The following FMNL2 variants were observed in gnomAD, a reference collection of about 807,000 sequenced individuals.
The protein encoded by FMNL2 is formin like 2, also known as formin-like protein 2.
In FMNL2, 51 loss-of-function variants were observed where a neutral mutation model predicts 130.2. That is an observed-to-expected ratio of 0.39 (90% CI 0.31 to 0.49). The LOEUF is 0.49. FMNL2 is among the 20% of genes least tolerant of loss of function. The pLI, the probability that FMNL2 is intolerant of heterozygous loss-of-function variation, is 0.85. For synonymous variants in FMNL2, 465 were observed against 467.1 expected (o/e 1.00, Z 0.06); for missense variants, 977 against 1,316.2 (o/e 0.74, Z 3.99).
At chr2:152,603,399 G>GTTTT (rs138427461) in intron 9 of FMNL2, among the ~76,000 whole-genome samples, 6 of 135,170 alleles carry the variant, frequency 4.4e-5, no homozygotes, top group African/African-American at 8.0e-5. Flanking sequence ...ATTTAAGTCT[G>GTTTT]TTTTTTTTTT....
intron 7 of FMNL2, among the ~76,000 whole-genome samples, chr2:152,577,264 C>G (rs1428659042): frequency 6.6e-6 from 1 of 152,048 alleles, no homozygotes; most frequent in Non-Finnish European, 1.5e-5. Flanking sequence ...GGGCTTTTGT[C>G]TTGGGCACCT....
intron 15 of FMNL2, 64 bp downstream of exon 15, chr2:152,619,782 G>A: frequency 6.4e-7 from 1 of 1,553,322 alleles, no homozygotes; most frequent in African/African-American, 1.4e-5. Context: ...TCGGAGAGTT[G>A]AAGCTATTCT....
chr2:152,459,775 G>T (rs76016850), intron 1 of FMNL2, among the ~76,000 whole-genome samples: 4 of 152,130 alleles, frequency 2.6e-5, no homozygotes, highest in African/African-American at 7.2e-5. Context: ...TACTTTAAAT[G>T]GGTGCTTTGT....
chr2:152,401,413 ACACTGCC>A (rs1685685836), intron 1 of FMNL2, among the ~76,000 whole-genome samples: 1 of 152,216 alleles, frequency 6.6e-6, no homozygotes, highest in Non-Finnish European at 1.5e-5. Context: ...CATACCTGGC[ACACTGCC>A]TTTTCACCTG....
chr2:152,344,682 A>G (rs1682013576), intron 1 of FMNL2, among the ~76,000 whole-genome samples: 1 of 152,196 alleles, frequency 6.6e-6, no homozygotes, highest in African/African-American at 2.4e-5. Flanking sequence ...GAGTAGAACA[A>G]TCAATAAATC....
At chr2:152,504,716 T>C (rs1450213162) in intron 1 of FMNL2, among the ~76,000 whole-genome samples, 1 of 152,174 alleles carries the variant, frequency 6.6e-6, no homozygotes, top group Non-Finnish European at 1.5e-5. Flanking sequence ...TCAGTAGACC[T>C]AAGAAATTAT....
At chr2:152,537,659 GTT>G (rs10554817) in intron 2 of FMNL2, among the ~76,000 whole-genome samples, 32,283 of 152,008 alleles carry the variant, frequency 0.21, 3,547 homozygotes, top group Middle Eastern at 0.26. Context: ...TTTTTAAAAA[GTT>G]TAATTCTTTG....
chr2:152,579,373 T>C (rs1228126487), intron 8 of FMNL2, among the ~76,000 whole-genome samples: 1 of 152,214 alleles, frequency 6.6e-6, no homozygotes, highest in African/African-American at 2.4e-5. Context: ...ACTTTACATA[T>C]GTAGCTTTAA....
At chr2:152,495,500 A>G (rs1691453666) in intron 1 of FMNL2, among the ~76,000 whole-genome samples, 1 of 151,624 alleles carries the variant, frequency 6.6e-6, no homozygotes, top group African/African-American at 2.4e-5. Context: ...AAATATAAAA[A>G]TTAGCTGGGT....
At chr2:152,578,738 C>G (rs754338617) in intron 7 of FMNL2, 150 bp from the exon 8 acceptor site, 1 of 549,526 alleles carries the variant, frequency 1.8e-6, no homozygotes, top group Non-Finnish European at 3.2e-6. Context: ...TATGCTCTGA[C>G]AGTGATATAC....
chr2:152,392,134 A>G (rs1030597601), intron 1 of FMNL2, among the ~76,000 whole-genome samples: 1 of 152,074 alleles, frequency 6.6e-6, no homozygotes, highest in South Asian at 2.1e-4. Flanking sequence ...CTAATATCTT[A>G]GTTGTACCTA....
chr2:152,619,245 G>A (rs959536110), intron 14 of FMNL2, 87 bp downstream of exon 14: 27 of 1,436,222 alleles, frequency 1.9e-5, no homozygotes, highest in Middle Eastern at 2.6e-4. Flanking sequence ...TCCTTTGTCC[G>A]TTTTTGTTGG....
At chr2:152,395,032 C>G (rs1358537633) in intron 1 of FMNL2, among the ~76,000 whole-genome samples, 3 of 152,150 alleles carry the variant, frequency 2.0e-5, no homozygotes, top group African/African-American at 7.2e-5. Flanking sequence ...GTTATTCCTG[C>G]TGAACCAGGA....
chr2:152,457,140 G>A (rs930488913), intron 1 of FMNL2, among the ~76,000 whole-genome samples: 4 of 151,494 alleles, frequency 2.6e-5, no homozygotes, highest in African/African-American at 9.7e-5. Flanking sequence ...AGTAAAGAAA[G>A]TTATCAGAGT....
At chr2:152,552,839 G>A (rs1404340027) in intron 4 of FMNL2, among the ~76,000 whole-genome samples, 1 of 152,182 alleles carries the variant, frequency 6.6e-6, no homozygotes, top group East Asian at 1.9e-4. Flanking sequence ...TGGTGGTGAG[G>A]GTGAACTGGA....
chr2:152,358,770 G>T (rs1262203564), intron 1 of FMNL2, among the ~76,000 whole-genome samples: 3 of 152,052 alleles, frequency 2.0e-5, no homozygotes, highest in Non-Finnish European at 4.4e-5. Context: ...TTGTCATATT[G>T]ATGGACATAT....
chr2:152,547,097 T>C (rs1244153890), intron 3 of FMNL2, among the ~76,000 whole-genome samples: 1 of 152,046 alleles, frequency 6.6e-6, no homozygotes, highest in Non-Finnish European at 1.5e-5. Context: ...AGGCTTGTGC[T>C]ACCATGCCTA....
At chr2:152,384,634 TCTC>T (rs1684682354) in intron 1 of FMNL2, among the ~76,000 whole-genome samples, 1 of 152,132 alleles carries the variant, frequency 6.6e-6, no homozygotes, top group Non-Finnish European at 1.5e-5. Flanking sequence ...GGTGGACTCT[TCTC>T]CTCGGTTCAG....
At chr2:152,644,016 G>T in intron 25 of FMNL2, 1 of 544,382 alleles carries the variant, frequency 1.8e-6, no homozygotes, top group Non-Finnish European at 2.3e-6. Flanking sequence ...GATCACTTGA[G>T]CCCAGGAGTT....
Sources: gnomAD v4.1 joint callset for allele counts (sites outside exome capture counted in the v4.1 genomes callset) on GRCh38, gnomAD v4.1.1 for gene constraint, MANE v1.5 for transcripts, NCBI Gene and HGNC (gene_info 2026-07-23, HGNC 2026-07-21) for gene names.